ZNF277: variants seen among roughly 807,000 people sequenced by gnomAD.
ZNF277 encodes the protein nuclear receptor-interacting factor 4.
In ZNF277, 55 loss-of-function variants were observed where a neutral mutation model predicts 60.7. The ratio of observed to expected loss-of-function variants is 0.91; its 90% CI spans 0.73 to 1.13. The LOEUF is 1.13. ZNF277 is among the 50% of genes most tolerant of loss of function. ZNF277 has a pLI of 0.00. For synonymous variants in ZNF277, 178 were observed against 179.3 expected (o/e 0.99, Z 0.06); for missense variants, 510 against 523.0 (o/e 0.98, Z 0.24).
At chr7:112,325,595 G>T (rs1793075173) in intron 5 of ZNF277, among the ~76,000 whole-genome samples, 2 of 152,070 alleles carry the variant, frequency 1.3e-5, no homozygotes, top group African/African-American at 4.8e-5. Flanking sequence ...TGTCTGGCAG[G>T]CCCCAAAAAA....
intron 1 of ZNF277, among the ~76,000 whole-genome samples, chr7:112,211,827 C>T (rs1419610663): frequency 2.0e-5 from 3 of 152,218 alleles, no homozygotes; most frequent in African/African-American, 4.8e-5. Flanking sequence ...TTGTCTACCC[C>T]AGTGGACAGT....
At chr7:112,242,574 CAAAAT>C (rs1563201886) in intron 1 of ZNF277, among the ~76,000 whole-genome samples, 1,647 of 66,992 alleles carry the variant, frequency 0.025, 28 homozygotes, top group African/African-American at 0.064. Flanking sequence ...AAAAAAAAAA[CAAAAT>C]AAAATAAAAT....
chr7:112,342,552 T>G lies in ZNF277; in HGVS notation c.1185-9T>G, dbSNP rs374803655. The G allele has an allele frequency of 5.6e-6, 9 of 1,599,986 alleles. No individual in the cohort carries two copies. In the African/African-American group the frequency reaches 8.0e-5, roughly 14 times the overall value. On this transcript the variant is annotated splice_polypyrimidine_tract_variant and intron_variant, in intron 11 of 11. Transcript: ENST00000361822. ...TAATTTAATACTATGTATCTGTGGT[T>G]GTTTTCAGGTATTATTTTCCAACCT...
At chr7:112,263,303 A>G (rs1791475483) in intron 1 of ZNF277, among the ~76,000 whole-genome samples, 1 of 152,212 alleles carries the variant, frequency 6.6e-6, no homozygotes, top group Non-Finnish European at 1.5e-5. Flanking sequence ...ATGGCAGTAT[A>G]GTCATTAAAT....
chr7:112,277,434 TAC>T (rs978831602), intron 1 of ZNF277, among the ~76,000 whole-genome samples: 3 of 152,164 alleles, frequency 2.0e-5, no homozygotes, highest in Non-Finnish European at 4.4e-5. Context: ...AAAATTAACA[TAC>T]ACACAGTATT....
intron 4 of ZNF277, among the ~76,000 whole-genome samples, chr7:112,307,540 G>A (rs887466072): frequency 6.6e-6 from 1 of 151,752 alleles, no homozygotes; most frequent in Non-Finnish European, 1.5e-5. Flanking sequence ...TTAGCCTACT[G>A]ACTGCCTGGG....
intron 5 of ZNF277, among the ~76,000 whole-genome samples, chr7:112,324,777 G>A (rs1793060426): frequency 6.6e-6 from 1 of 152,124 alleles, no homozygotes; most frequent in Admixed American, 6.5e-5. Flanking sequence ...ACATATTATG[G>A]GAATTGGCTC....
chr7:112,262,997 G>A lies in ZNF277; in HGVS notation c.92-23876G>A, dbSNP rs532782827. ...GATATTTGCTCAGGGAGTGTATTAT[G>A]AGCTATAATGAGCTTGGGCTCTGGA... On this transcript the variant is annotated intron_variant, in intron 1 of 11. Transcript: ENST00000361822. Among the ~76,000 whole-genome samples the A allele has an allele frequency of 2.0e-5, 3 of 152,288 alleles. No homozygotes were observed. In the East Asian group the frequency reaches 5.8e-4, roughly 29 times the overall value.
intron 1 of ZNF277, among the ~76,000 whole-genome samples, chr7:112,261,148 A>T (rs1408131551): frequency 1.3e-5 from 2 of 152,062 alleles, no homozygotes. Context: ...AACTCTATAG[A>T]TCTCTATCAT....
intron 7 of ZNF277, among the ~76,000 whole-genome samples, chr7:112,335,473 G>A (rs769672371): frequency 6.6e-6 from 1 of 151,998 alleles, no homozygotes; most frequent in Non-Finnish European, 1.5e-5. Context: ...CAGACATAGC[G>A]CCAAAAGAGT....
chr7:112,291,474 CAAAT>C lies in ZNF277; in HGVS notation c.294-4393_294-4390del, dbSNP rs1792205081. Among the ~76,000 whole-genome samples, 3 of 152,104 alleles carry C rather than the reference CAAAT, an allele frequency of 2.0e-5. No homozygotes were observed. In the South Asian group the frequency reaches 6.2e-4, roughly 31 times the overall value. On this transcript the variant is annotated intron_variant, in intron 2 of 11. Coordinates refer to ENST00000361822, the MANE Select transcript of ZNF277 (RefSeq NM_021994.3). ...GTATGAAATACTTTGATAACTCATCCAAATAGAGTTCCTACCACATGTTATTTCT... is the reference window on the plus strand; with the variant it reads ...GTATGAAATACTTTGATAACTCATCCAGAGTTCCTACCACATGTTATTTCT...
At chr7:112,326,730 A>G (rs1793100393) in intron 5 of ZNF277, among the ~76,000 whole-genome samples, 1 of 152,238 alleles carries the variant, frequency 6.6e-6, no homozygotes, top group South Asian at 2.1e-4. Flanking sequence ...AAACACTGAA[A>G]ACATTTTTTT....
At chr7:112,262,656 T>C (rs1304784614) in intron 1 of ZNF277, among the ~76,000 whole-genome samples, 2 of 152,128 alleles carry the variant, frequency 1.3e-5, no homozygotes, top group East Asian at 3.8e-4. Context: ...GGCTACATAT[T>C]TTTAAGAAAA....
intron 4 of ZNF277, among the ~76,000 whole-genome samples, chr7:112,296,727 A>G (rs1334965660): frequency 6.6e-6 from 1 of 151,234 alleles, no homozygotes; most frequent in African/African-American, 2.4e-5. Context: ...ATTTCCCTTT[A>G]TGAATTAAGC....
intron 4 of ZNF277, among the ~76,000 whole-genome samples, chr7:112,306,550 C>T (rs1434761126): frequency 3.9e-5 from 6 of 151,958 alleles, no homozygotes; most frequent in Non-Finnish European, 8.8e-5. Flanking sequence ...TAGAGAGGCT[C>T]TTTTATAATC....
At chr7:112,329,875 T>C (rs1394900119) in intron 6 of ZNF277, among the ~76,000 whole-genome samples, 1 of 152,198 alleles carries the variant, frequency 6.6e-6, no homozygotes, top group Non-Finnish European at 1.5e-5. Context: ...GCAAAGTTGG[T>C]CAACTTAGCT....
chr7:112,268,220 AG>A (rs1791591135), intron 1 of ZNF277, among the ~76,000 whole-genome samples: 1 of 152,022 alleles, frequency 6.6e-6, no homozygotes, highest in East Asian at 1.9e-4. Flanking sequence ...TTTTAGATTT[AG>A]GGGGAAAGTA....
chr7:112,237,409 AT>A (rs1790825567), intron 1 of ZNF277, among the ~76,000 whole-genome samples: 2 of 152,158 alleles, frequency 1.3e-5, no homozygotes, highest in African/African-American at 4.8e-5. Context: ...AACAAAAAAA[AT>A]CAATGAAACA....
intron 1 of ZNF277, among the ~76,000 whole-genome samples, chr7:112,256,436 T>TG (rs1791310823): frequency 2.7e-5 from 4 of 145,932 alleles, no homozygotes; most frequent in African/African-American, 5.1e-5. Context: ...TTTTTTTTTT[T>TG]TTTTTTTTTT....
Sources: gnomAD v4.1 joint callset for allele counts (sites outside exome capture counted in the v4.1 genomes callset) on GRCh38, gnomAD v4.1.1 for gene constraint, MANE v1.5 for transcripts, NCBI Gene and HGNC (gene_info 2026-07-23, HGNC 2026-07-21) for gene names.